The following GRM7 variants were observed in gnomAD, a reference collection of about 807,000 sequenced individuals.
The protein encoded by GRM7 is glutamate metabotropic receptor 7.
In GRM7, 35 loss-of-function variants were observed where a neutral mutation model predicts 84.5. The ratio of observed to expected loss-of-function variants is 0.41; its 90% CI spans 0.32 to 0.55. GRM7 has a LOEUF of 0.55. Ranked by LOEUF, GRM7 falls within the 20% of genes least tolerant of loss-of-function variation. GRM7 has a pLI of 0.19. For synonymous variants in GRM7, 487 were observed against 455.1 expected (o/e 1.07, Z -0.89); for missense variants, 1,003 against 1,194.6 (o/e 0.84, Z 2.36).
At chr3:6,891,569 C>G (rs1240357979) in intron 1 of GRM7, among the ~76,000 whole-genome samples, 2 of 152,184 alleles carry the variant, frequency 1.3e-5, no homozygotes, top group Admixed American at 6.5e-5. Context: ...CCCCCACTCT[C>G]TTCTGGCTTG....
chr3:7,052,027 A>G (rs1697020197), intron 1 of GRM7, among the ~76,000 whole-genome samples: 1 of 151,748 alleles, frequency 6.6e-6, no homozygotes, highest in Non-Finnish European at 1.5e-5. Flanking sequence ...ATAATGTAAT[A>G]AAATAACAAA....
chr3:7,453,911 G>A (rs2124894440), intron 6 of GRM7, among the ~76,000 whole-genome samples: 1 of 152,226 alleles, frequency 6.6e-6, no homozygotes. Context: ...AAAATGACGG[G>A]CTGATAGCGT....
At chr3:7,705,985 A>G (rs566710241) in intron 9 of GRM7, among the ~76,000 whole-genome samples, 2 of 152,314 alleles carry the variant, frequency 1.3e-5, no homozygotes, top group African/African-American at 4.8e-5. Flanking sequence ...GTTGGCTTTG[A>G]GTACAGAGGT....
At chr3:7,268,081 A>C (rs1443874446) in intron 2 of GRM7, among the ~76,000 whole-genome samples, 1 of 152,126 alleles carries the variant, frequency 6.6e-6, no homozygotes, top group East Asian at 1.9e-4. Flanking sequence ...GTCGTGTTCA[A>C]ATATAATTTT....
At chr3:7,304,029 G>A (rs1247149005) in intron 3 of GRM7, among the ~76,000 whole-genome samples, 1 of 151,810 alleles carries the variant, frequency 6.6e-6, no homozygotes, top group African/African-American at 2.4e-5. Flanking sequence ...TTAGTAGTTA[G>A]GGTGGTAATG....
chr3:7,374,410 C>G (rs1377000597), intron 4 of GRM7, among the ~76,000 whole-genome samples: 3 of 151,836 alleles, frequency 2.0e-5, no homozygotes, highest in African/African-American at 7.3e-5. Context: ...AACTCCTGGC[C>G]TCTAGCAATC....
intron 2 of GRM7, among the ~76,000 whole-genome samples, chr3:7,206,071 A>G (rs1575030123): frequency 6.6e-6 from 1 of 152,110 alleles, no homozygotes; most frequent in Admixed American, 6.5e-5. Context: ...TCATGCCATT[A>G]CTGTTGTGTT....
chr3:6,984,057 T>C (rs1694307434), intron 1 of GRM7, among the ~76,000 whole-genome samples: 2 of 152,300 alleles, frequency 1.3e-5, no homozygotes, highest in African/African-American at 4.8e-5. Flanking sequence ...GAAGAACAAA[T>C]CAAAGCTCAC....
chr3:6,916,646 T>C (rs1005030648), intron 1 of GRM7, among the ~76,000 whole-genome samples: 2 of 152,126 alleles, frequency 1.3e-5, no homozygotes, highest in African/African-American at 4.8e-5. Context: ...AGTCCTCTTA[T>C]AAGGACACTA....
At chr3:6,959,367 T>A (rs549140093) in intron 1 of GRM7, among the ~76,000 whole-genome samples, 5 of 152,246 alleles carry the variant, frequency 3.3e-5, no homozygotes, top group Non-Finnish European at 7.4e-5. Flanking sequence ...AAAACTAGAT[T>A]TTTTTTCCTT....
intron 7 of GRM7, among the ~76,000 whole-genome samples, chr3:7,538,940 C>G (rs2125013321): frequency 6.6e-6 from 1 of 152,146 alleles, no homozygotes; most frequent in Non-Finnish European, 1.5e-5. Context: ...AAGAGAAAAT[C>G]CAAATTCTTA....
At chr3:6,877,931 A>T (rs1695374429) in intron 1 of GRM7, among the ~76,000 whole-genome samples, 4 of 142,228 alleles carry the variant, frequency 2.8e-5, no homozygotes. Context: ...AGCTGATCAG[A>T]TTTAACTCAA....
chr3:7,374,807 A>T (rs1055397049), intron 4 of GRM7, among the ~76,000 whole-genome samples: 1 of 151,962 alleles, frequency 6.6e-6, no homozygotes, highest in Non-Finnish European at 1.5e-5. Flanking sequence ...AGCTATTTTA[A>T]TGAGCATGAC....
chr3:7,387,599 G>C (rs1003638761), intron 4 of GRM7, among the ~76,000 whole-genome samples: 3 of 152,038 alleles, frequency 2.0e-5, no homozygotes, highest in Non-Finnish European at 4.4e-5. Context: ...TTAGTTGTAG[G>C]TGTGCAGCTT....
intron 9 of GRM7, among the ~76,000 whole-genome samples, chr3:7,723,702 G>A (rs116839556): frequency 0.011 from 1,670 of 152,050 alleles, 41 homozygotes; most frequent in African/African-American, 0.039. Flanking sequence ...ATTTAAAAAT[G>A]AGTCAGGCAT....
chr3:7,288,008 T>C (rs1256686349), intron 2 of GRM7, among the ~76,000 whole-genome samples: 1 of 152,206 alleles, frequency 6.6e-6, no homozygotes, highest in Admixed American at 6.6e-5. Flanking sequence ...TTATCCAAAT[T>C]GATATTATAA....
At chr3:7,031,106 G>C (rs374641240) in intron 1 of GRM7, among the ~76,000 whole-genome samples, 4 of 151,978 alleles carry the variant, frequency 2.6e-5, no homozygotes, top group Admixed American at 2.6e-4. Flanking sequence ...AATAAATACC[G>C]TTCTCCTCAT....
intron 1 of GRM7, among the ~76,000 whole-genome samples, chr3:7,108,587 G>A (rs1368022244): frequency 1.3e-5 from 2 of 150,088 alleles, no homozygotes; most frequent in Admixed American, 6.7e-5. Flanking sequence ...TGTGTCTCAC[G>A]TTCAAGACCA....
At chr3:7,261,139 C>G (rs1179096951) in intron 2 of GRM7, among the ~76,000 whole-genome samples, 1 of 152,076 alleles carries the variant, frequency 6.6e-6, no homozygotes, top group Admixed American at 6.6e-5. Context: ...CCAGGGTGTC[C>G]TAGCATCCTC....
Sources: allele counts gnomAD v4.1 joint callset (sites outside exome capture counted in the v4.1 genomes callset), GRCh38; gene constraint gnomAD v4.1.1; transcripts MANE v1.5; gene names NCBI Gene and HGNC (gene_info 2026-07-23, HGNC 2026-07-21).